The following TPCN1 variants were observed in gnomAD, a reference collection of about 807,000 sequenced individuals.
The protein encoded by TPCN1 is two pore segment channel 1, also known as two pore channel protein 1.
Under a neutral mutation model 108.8 loss-of-function variants are expected in TPCN1, and 52 were observed. That is an observed-to-expected ratio of 0.48 (90% CI 0.38 to 0.60). The LOEUF (loss-of-function observed/expected upper bound fraction) is 0.60. TPCN1 is among the 20% of genes least tolerant of loss of function. The probability of loss-of-function intolerance (pLI) is 0.00; values close to 1 mark genes in which losing one functional copy is unlikely to be tolerated. For missense variants in TPCN1, 806 were observed against 1,072.8 expected (o/e 0.75, Z 3.47); for synonymous variants, 446 against 433.7 (o/e 1.03, Z -0.35).
intron 15 of TPCN1, among the ~76,000 whole-genome samples, chr12:113,282,281 C>T (rs189209841): frequency 5.9e-5 from 9 of 151,588 alleles, no homozygotes; most frequent in Non-Finnish European, 1.0e-4. Context: ...TTAATAGAGA[C>T]GGGATTTCCC....
At chr12:113,283,516 C>G (rs1955962566) in intron 15 of TPCN1, among the ~76,000 whole-genome samples, 1 of 151,436 alleles carries the variant, frequency 6.6e-6, no homozygotes, top group Non-Finnish European at 1.5e-5. Context: ...CACCTGTGTT[C>G]CTAGCTACTC....
rs1477350252 is a variant in TPCN1, at chr12:113,272,888, C to A, written c.783+196C>A. Among the ~76,000 whole-genome samples the A allele has an allele frequency of 6.6e-6, 1 of 152,146 alleles. No individual in the cohort carries two copies. The highest frequency in any genetic ancestry group is 2.1e-4 in the South Asian group (1 of 4,828). Reference sequence around the variant, plus strand: ...CTTTCTTCCTTGAGAGCTGGGGATCCCCTTTTCTGTTCTTGAAAGGAGTGC... The same window carrying A: ...CTTTCTTCCTTGAGAGCTGGGGATCACCTTTTCTGTTCTTGAAAGGAGTGC... On this transcript the variant is annotated intron_variant, in intron 8 of 27. Coordinates refer to ENST00000335509, the MANE Select transcript of TPCN1 (RefSeq NM_017901.6). This position sits in a 1 kb window ranked among gnomAD's most constrained non-coding sequence, Gnocchi z 4.1.
chr12:113,264,110 G>A (rs752324645), intron 3 of TPCN1, among the ~76,000 whole-genome samples: 43 of 152,220 alleles, frequency 2.8e-4, no homozygotes, highest in Admixed American at 5.9e-4. Flanking sequence ...AGCTCCCCAG[G>A]CCACTGTGTG....
At chr12:113,277,088 C>G in intron 11 of TPCN1, 53 bp downstream of exon 11, 1 of 1,596,438 alleles carries the variant, frequency 6.3e-7, no homozygotes, top group Non-Finnish European at 8.6e-7. Flanking sequence ...CTCCCTTGCC[C>G]AGAGCAGCCC....
chr12:113,251,591 G>T (rs1373593888), intron 2 of TPCN1, among the ~76,000 whole-genome samples: 3 of 152,250 alleles, frequency 2.0e-5, no homozygotes, highest in African/African-American at 7.2e-5. Flanking sequence ...CCGTGGGGGG[G>T]CTCCAGCCAG....
intron 2 of TPCN1, 159 bp from the exon 3 acceptor site, chr12:113,260,209 T>G: frequency 1.4e-6 from 1 of 739,146 alleles, no homozygotes; most frequent in South Asian, 3.0e-5. Context: ...GCTGTGCTAA[T>G]TCTTGCCATT....
At chr12:113,242,040 T>G (rs1040963422) in intron 2 of TPCN1, among the ~76,000 whole-genome samples, 6 of 151,752 alleles carry the variant, frequency 4.0e-5, no homozygotes, top group Non-Finnish European at 8.8e-5. Context: ...AAATTACCCG[T>G]GGACATCTGG....
At chr12:113,222,063 T>C (rs1332758177) in intron 1 of TPCN1, among the ~76,000 whole-genome samples, 1 of 152,126 alleles carries the variant, frequency 6.6e-6, no homozygotes, top group African/African-American at 2.4e-5. Flanking sequence ...GGGTCCTCTG[T>C]AGAGGCAGAA....
intron 2 of TPCN1, among the ~76,000 whole-genome samples, chr12:113,242,954 A>C (rs919287129): frequency 6.6e-6 from 1 of 152,234 alleles, no homozygotes; most frequent in Non-Finnish European, 1.5e-5. Flanking sequence ...CATGAGGGCG[A>C]GGGCCATGGT....
intron 2 of TPCN1, among the ~76,000 whole-genome samples, chr12:113,257,283 G>A (rs967771049): frequency 2.0e-5 from 3 of 152,154 alleles, no homozygotes; most frequent in Non-Finnish European, 4.4e-5. Context: ...CCTGAGGTTC[G>A]GAATTCAAGG....
chr12:113,288,945 G>A lies in TPCN1; in HGVS notation c.1796+98G>A. Reference sequence around the variant, plus strand: ...GTCCTTGTGGCCTTGGGGTCCTCGGGGATGTTCCTGTCTAAGCAACCACCT... The same window carrying A: ...GTCCTTGTGGCCTTGGGGTCCTCGGAGATGTTCCTGTCTAAGCAACCACCT... On this transcript the variant is annotated intron_variant, in intron 21 of 27. Transcript: ENST00000335509. This position sits in a 1 kb window ranked among gnomAD's most constrained non-coding sequence, Gnocchi z 4.8. The A allele has an allele frequency of 8.2e-7, 1 of 1,222,618 alleles. No homozygotes were observed. Among genetic ancestry groups the A allele is most frequent in the Non-Finnish European group, 1.2e-6 (1 of 837,178 alleles). The allele number at this position is 1,222,618 out of a possible 1,614,324, so 75.7% of individuals were successfully genotyped here. A position where few individuals can be genotyped will look rare whatever the true frequency, so the allele number is the denominator to read the frequency against.
In TPCN1 at chr12:113,234,975, G is replaced by A. The variant is rs77427595; in HGVS notation, c.112+8011G>A. 2.6e-3 allele frequency among the ~76,000 whole-genome samples: 397 copies of A among 152,262 alleles called. 4 individuals carry two copies. Among genetic ancestry groups the A allele is most frequent in the East Asian group, 8.9e-3 (46 of 5,186 alleles). ...TGCTCTCTCTGACGTAGAACATACC[G>A]ATTCACCCTTTGTTTTCTGTTCAGA... On this transcript the variant is annotated intron_variant, in intron 2 of 27. Coordinates refer to ENST00000335509, the MANE Select transcript of TPCN1 (RefSeq NM_017901.6).
At position 113,272,460 on chromosome 12, in the gene TPCN1, G is replaced by T. The variant is rs1179534333; in HGVS notation, c.749-198G>T. On this transcript the variant is annotated intron_variant, in intron 7 of 27. Coordinates refer to ENST00000335509, the MANE Select transcript of TPCN1 (RefSeq NM_017901.6). This position sits in a 1 kb window ranked among gnomAD's most constrained non-coding sequence, Gnocchi z 4.1. ...ATAGTGCCCGGCACATTGCTGTAGG[G>T]CAGCAAGCGTCTGGTGCCAGCAGCC... Among the ~76,000 whole-genome samples the T allele has an allele frequency of 5.3e-5, 8 of 152,178 alleles. No homozygotes were observed. The highest frequency in any genetic ancestry group is 1.2e-4 in the Non-Finnish European group (8 of 68,034).
chr12:113,280,954 G>A (rs562310412), intron 15 of TPCN1, among the ~76,000 whole-genome samples: 2 of 152,192 alleles, frequency 1.3e-5, no homozygotes, highest in South Asian at 2.1e-4. Flanking sequence ...ACTGTTGTGC[G>A]TTCATGCTAA....
chr12:113,229,971 C>T (rs1457774044), intron 2 of TPCN1, among the ~76,000 whole-genome samples: 1 of 152,198 alleles, frequency 6.6e-6, no homozygotes, highest in Non-Finnish European at 1.5e-5. Context: ...CAGTCCACAG[C>T]ATCATACTGC....
At chr12:113,228,316 G>A (rs761373424) in intron 2 of TPCN1, among the ~76,000 whole-genome samples, 1 of 152,096 alleles carries the variant, frequency 6.6e-6, no homozygotes, top group Non-Finnish European at 1.5e-5. Flanking sequence ...CTTAATAAAT[G>A]TGAGCACAGG....
chr12:113,279,389 A>ATT (rs1325797695), intron 14 of TPCN1, among the ~76,000 whole-genome samples: 685 of 15,302 alleles, frequency 0.045, 39 homozygotes, highest in East Asian at 0.067. Flanking sequence ...ATATATATAT[A>ATT]TATTTTTTTT....
chr12:113,244,897 G>C (rs1364870599), intron 2 of TPCN1, among the ~76,000 whole-genome samples: 6 of 152,144 alleles, frequency 3.9e-5, no homozygotes, highest in Non-Finnish European at 5.9e-5. Context: ...CCAGGGTTCT[G>C]TTTCGTCTCA....
chr12:113,257,470 G>A (rs941043450), intron 2 of TPCN1, among the ~76,000 whole-genome samples: 5 of 148,364 alleles, frequency 3.4e-5, no homozygotes, highest in African/African-American at 5.0e-5. Context: ...CAGCCTGGGC[G>A]ACAGAGTGAG....
Sources: allele counts gnomAD v4.1 joint callset (sites outside exome capture counted in the v4.1 genomes callset), GRCh38; gene constraint gnomAD v4.1.1; non-coding constraint Gnocchi (gnomAD v3.1); transcripts MANE v1.5; gene names NCBI Gene and HGNC (gene_info 2026-07-23, HGNC 2026-07-21).